The following NBEA variants were observed in gnomAD, a reference collection of about 807,000 sequenced individuals.
The protein encoded by NBEA is neurobeachin.
NBEA carries 44 observed loss-of-function variants against 343.4 expected under a neutral mutation model. The ratio of observed to expected loss-of-function variants is 0.13; its 90% CI spans 0.10 to 0.16. The LOEUF (loss-of-function observed/expected upper bound fraction) is 0.16, where lower values mean the gene tolerates loss of function less well. Ranked by LOEUF, NBEA falls within the 10% of genes least tolerant of loss-of-function variation. The pLI is 1.00. For missense variants in NBEA, 2,555 were observed against 3,631.3 expected (o/e 0.70, Z 7.62); for synonymous variants, 1,175 against 1,238.7 (o/e 0.95, Z 1.08).
intron 41 of NBEA, chr13:35,476,688 C>A: frequency 1.0e-6 from 1 of 967,798 alleles, no homozygotes; most frequent in Non-Finnish European, 1.3e-6. Flanking sequence ...GTTGGTTTGT[C>A]TAAGAGCCCA....
intron 1 of NBEA, among the ~76,000 whole-genome samples, chr13:34,958,298 G>T (rs1265410677): frequency 6.6e-6 from 1 of 152,000 alleles, no homozygotes; most frequent in African/African-American, 2.4e-5. Context: ...TATTTTACAT[G>T]ATTTTATGAA....
At position 35,452,275 on chromosome 13, in the gene NBEA, A is replaced by G. The variant is rs1024047902; in HGVS notation, c.6448+40A>G. 4.8e-6 allele frequency: 7 copies of G among 1,463,384 alleles called. No homozygotes were observed. In the African/African-American group the frequency reaches 9.9e-5, roughly 21 times the overall value. The allele number at this position is 1,463,384 out of a possible 1,614,324, so 90.6% of individuals were successfully genotyped here. ...ATATTTTTCCTATTTGTTGTAAATA[A>G]ACACAAAGCTACTGAATTCAAAATC... is the stretch of plus-strand genomic sequence containing the variant. On this transcript the variant is annotated intron_variant, in intron 40 of 58. Coordinates refer to ENST00000379939, the MANE Select transcript of NBEA (RefSeq NM_001385012.1).
At chr13:35,365,574 G>T (rs549776421) in intron 38 of NBEA, among the ~76,000 whole-genome samples, 1 of 151,678 alleles carries the variant, frequency 6.6e-6, no homozygotes, top group Non-Finnish European at 1.5e-5. Flanking sequence ...CATTTTTGTT[G>T]AAATCATTGA....
intron 1 of NBEA, among the ~76,000 whole-genome samples, chr13:34,964,210 A>G (rs2059749959): frequency 6.6e-6 from 1 of 151,986 alleles, no homozygotes; most frequent in Non-Finnish European, 1.5e-5. Flanking sequence ...TTTTGTGGTA[A>G]CTATCGTGTT....
At chr13:35,319,351 T>C (rs1215488239) in intron 36 of NBEA, among the ~76,000 whole-genome samples, 2 of 152,214 alleles carry the variant, frequency 1.3e-5, no homozygotes, top group African/African-American at 2.4e-5. Context: ...CATTTCGTTA[T>C]TTACCTGGTA....
chr13:35,173,689 T>G, intron 27 of NBEA, 95 bp downstream of exon 27: 4 of 1,217,266 alleles, frequency 3.3e-6, no homozygotes, highest in Non-Finnish European at 4.5e-6. Context: ...TGCTCAGTGA[T>G]AGAGAGCAAG....
chr13:35,024,566 G>C (rs888559157), intron 1 of NBEA, among the ~76,000 whole-genome samples: 1 of 152,056 alleles, frequency 6.6e-6, no homozygotes, highest in Non-Finnish European at 1.5e-5. Context: ...TGTAGTCCCA[G>C]TTACTTGGGA....
chr13:34,980,185 A>G (rs2060310713), intron 1 of NBEA, among the ~76,000 whole-genome samples: 1 of 151,710 alleles, frequency 6.6e-6, no homozygotes, highest in Non-Finnish European at 1.5e-5. Flanking sequence ...CTTAGAGTCT[A>G]GCTGTTTTTT....
chr13:35,491,830 C>T (rs763370007), intron 41 of NBEA, among the ~76,000 whole-genome samples: 53 of 151,796 alleles, frequency 3.5e-4, no homozygotes, highest in Non-Finnish European at 5.5e-4. Context: ...AAAAGTAAGG[C>T]GGAAAACTAA....
At chr13:35,359,702 A>G (rs1484475030) in intron 38 of NBEA, among the ~76,000 whole-genome samples, 1 of 151,996 alleles carries the variant, frequency 6.6e-6, no homozygotes, top group Non-Finnish European at 1.5e-5. Context: ...TGCTCAATGT[A>G]TATAGTTTTT....
intron 41 of NBEA, among the ~76,000 whole-genome samples, chr13:35,511,406 G>A (rs930166469): frequency 2.0e-5 from 3 of 152,194 alleles, no homozygotes; most frequent in Non-Finnish European, 4.4e-5. Context: ...CTCAGAACAC[G>A]TAAGTACTTT....
intron 1 of NBEA, among the ~76,000 whole-genome samples, chr13:34,954,662 A>G (rs1038766607): frequency 1.3e-5 from 2 of 152,180 alleles, no homozygotes; most frequent in Non-Finnish European, 2.9e-5. Context: ...AAATCCATGG[A>G]TGCTCAAGTC....
chr13:35,522,475 C>CAAAAAA lies in NBEA; in HGVS notation c.6586-27976_6586-27971dup, dbSNP rs138270833. Among the ~76,000 whole-genome samples, 79 of 42,068 alleles carry CAAAAAA rather than the reference C, an allele frequency of 1.9e-3. 2 individuals are homozygous for CAAAAAA. The highest frequency in any genetic ancestry group is 3.5e-3 in the African/African-American group (53 of 15,036). 27.6% of individuals were successfully genotyped at this position (42,068 alleles called of 152,430 possible). ...GGGCAACAAAGCAAGATACCATCTC[C>CAAAAAA]AAAAAAAAAAAAAAAAAAAAAAAAA... On this transcript the variant is annotated intron_variant, in intron 41 of 58. Transcript: ENST00000379939.
chr13:35,189,626 A>G (rs896140960), intron 30 of NBEA, among the ~76,000 whole-genome samples: 9 of 152,134 alleles, frequency 5.9e-5, no homozygotes, highest in African/African-American at 2.2e-4. Flanking sequence ...GCTCTAGTCG[A>G]TAATTTATTT....
chr13:35,428,914 A>G (rs934496615), intron 38 of NBEA, among the ~76,000 whole-genome samples: 2 of 152,164 alleles, frequency 1.3e-5, no homozygotes, highest in Non-Finnish European at 2.9e-5. Context: ...ATGGTGGTAG[A>G]AATCTAAGTT....
rs79678277 is a variant in NBEA at position 35,279,329 on chromosome 13, A to G, written c.5777-11060A>G. On this transcript the variant is annotated intron_variant, in intron 34 of 58. Coordinates refer to ENST00000379939, the MANE Select transcript of NBEA (RefSeq NM_001385012.1). Reference sequence around the variant, plus strand: ...CTAGCAAGGAAATTTAGTGTCAAGAATGTGATGTGTCTTAGCTCAAGTTTA... The same window carrying G: ...CTAGCAAGGAAATTTAGTGTCAAGAGTGTGATGTGTCTTAGCTCAAGTTTA... 9.7e-3 allele frequency among the ~76,000 whole-genome samples: 1,452 copies of G among 149,740 alleles called. 24 individuals are homozygous for G. Among genetic ancestry groups the G allele is most frequent in the African/African-American group, 0.035 (1,382 of 39,116 alleles).
chr13:35,136,263 C>CTCT (rs1243756921), intron 17 of NBEA, among the ~76,000 whole-genome samples: 2 of 152,170 alleles, frequency 1.3e-5, no homozygotes, highest in Admixed American at 1.3e-4. Flanking sequence ...ATAATCCCCA[C>CTCT]ATTAGAGTGA....
Position 35,671,293 on chromosome 13 carries a change from A to ACTT in NBEA, c.*303_*305dup, listed in dbSNP as rs2085604313. On this transcript the variant is annotated 3_prime_UTR_variant, in exon 59 of 59. Coordinates refer to ENST00000379939, the MANE Select transcript of NBEA (RefSeq NM_001385012.1). ...AAGGTTGTAGGATGTGTCACAAGAG[A>ACTT]CTTTTGACAATTCTGAGGAACCTTG... 1 of 214,104 alleles carries ACTT rather than the reference A, an allele frequency of 4.7e-6. No individual in the cohort carries two copies. The highest frequency in any genetic ancestry group is 9.3e-6 in the Non-Finnish European group (1 of 107,142). 13.3% of individuals were successfully genotyped at this position (214,104 alleles called of 1,614,324 possible).
intron 1 of NBEA, among the ~76,000 whole-genome samples, chr13:35,018,520 TTTTAA>T (rs1252418234): frequency 2.0e-5 from 3 of 152,164 alleles, no homozygotes; most frequent in African/African-American, 7.2e-5. Flanking sequence ...TTCTTTTTAG[TTTTAA>T]TTTATTGTTT....
Sources: allele counts gnomAD v4.1 joint callset (sites outside exome capture counted in the v4.1 genomes callset), GRCh38; gene constraint gnomAD v4.1.1; transcripts MANE v1.5; gene names NCBI Gene and HGNC (gene_info 2026-07-23, HGNC 2026-07-21).